The following CD101 variants were observed in gnomAD, a reference collection of about 807,000 sequenced individuals.
CD101 encodes immunoglobulin superfamily member 2.
In CD101, 76 loss-of-function variants were observed where a neutral mutation model predicts 98.2. That is an observed-to-expected ratio of 0.77 (90% CI 0.64 to 0.94). The LOEUF is 0.94. Among genes scored for constraint, CD101 ranks in the 40% least tolerant of loss-of-function variants. CD101 has a pLI of 0.00. For synonymous variants in CD101, 471 were observed against 472.7 expected, an observed-to-expected ratio of 1.00 and a Z score of 0.05; for missense variants, 1,145 against 1,218.8, an observed-to-expected ratio of 0.94 and a Z score of 0.90.
At position 117,013,584 on chromosome 1, in the gene CD101, CT is replaced by C. The variant is rs1557768315; in HGVS notation, c.1021del (p.Tyr341ThrfsTer15). ...GTGGAGTCCTGGGCCTGAAGAATGA[CT>C]ACAAAGAGAGAGCAAGTCAAGGAGA... ...AGGVLGLKND[Y>X]KERASQGELQ... is the part of the protein sequence containing the mutation. On this transcript the variant is annotated frameshift_variant, in exon 4 of 10. Transcript: ENST00000682167. LOFTEE classifies it high-confidence loss of function. The C allele has an allele frequency of 6.2e-7, 1 of 1,614,170 alleles. No homozygotes were observed. The highest frequency in any genetic ancestry group is 8.5e-7 in the Non-Finnish European group (1 of 1,180,030).
chr1:117,005,439 C>T lies in CD101; in HGVS notation c.43+3579C>T, dbSNP rs997763803. ...CAAAGATCTTCATGGACATCCTCCT[C>T]ATCGAGCTAACAGGAGTCTCCTCTG... is the stretch of plus-strand genomic sequence containing the variant. On this transcript the variant is annotated intron_variant, in intron 1 of 9. Coordinates refer to ENST00000682167, the MANE Select transcript of CD101 (RefSeq NM_001256106.3). This position sits in a 1 kb window ranked among gnomAD's most constrained non-coding sequence, Gnocchi z 4.4. Among the ~76,000 whole-genome samples, 3 of 152,202 alleles carry T rather than the reference C, an allele frequency of 2.0e-5. No homozygotes were observed. Among genetic ancestry groups the T allele is most frequent in the Admixed American group, 2.0e-4 (3 of 15,266 alleles).
In CD101 at chr1:117,012,573, T is replaced by A. The variant is rs564261567; in HGVS notation, c.841+607T>A. Among the ~76,000 whole-genome samples, 32 of 152,338 alleles carry A rather than the reference T, an allele frequency of 2.1e-4. 1 individual carries two copies. The South Asian group carries it at 6.2e-3, about 30-fold the overall frequency. On this transcript the variant is annotated intron_variant, in intron 3 of 9. Coordinates refer to ENST00000682167, the MANE Select transcript of CD101 (RefSeq NM_001256106.3). The surrounding 1 kb of genome is among the most constrained non-coding windows in gnomAD (Gnocchi z 4.0). ...TGACTTTGCTTTTTTATTATTTTTT[T>A]AATTTTTAAATTTTTTTAAGGACAG... is the stretch of plus-strand genomic sequence containing the variant.
chr1:117,017,517 A>C (rs199920411), intron 5 of CD101, 44 bp downstream of exon 5: 4 of 1,555,310 alleles, frequency 2.6e-6, no homozygotes, highest in African/African-American at 1.4e-5. Flanking sequence ...TATATCACTC[A>C]ATTCATTCTG....
intron 1 of CD101, among the ~76,000 whole-genome samples, chr1:117,007,529 G>A (rs776972397): frequency 3.3e-5 from 5 of 152,032 alleles, no homozygotes; most frequent in Admixed American, 6.6e-5. Flanking sequence ...TGTATTTTTA[G>A]TAGAGACAGG....
At chr1:117,014,468 G>A (rs1454764123) in intron 4 of CD101, among the ~76,000 whole-genome samples, 1 of 152,132 alleles carries the variant, frequency 6.6e-6, no homozygotes, top group African/African-American at 2.4e-5. Context: ...GATGTGGTGA[G>A]ACGCCGGTCC....
chr1:117,029,259 AAGAAAGAAAGAAAG>A (rs1478980349), intron 8 of CD101, among the ~76,000 whole-genome samples: 2 of 139,110 alleles, frequency 1.4e-5, no homozygotes, highest in Non-Finnish European at 3.1e-5. Context: ...GAAAGAAAGA[AAGAAAGAAAGAAAG>A]AGTAGATACG....
chr1:117,025,235 C>T (rs1029750207), intron 7 of CD101, among the ~76,000 whole-genome samples: 16 of 152,104 alleles, frequency 1.1e-4, no homozygotes, highest in African/African-American at 3.1e-4. Context: ...TGGTGGCACA[C>T]GCCTGTAATC....
Position 117,005,572 on chromosome 1 carries a change from A to G in CD101, c.43+3712A>G, listed in dbSNP as rs1305300190. 6.6e-6 allele frequency among the ~76,000 whole-genome samples: 1 copy of G among 152,066 alleles called. No homozygotes were observed. The highest frequency in any genetic ancestry group is 1.5e-5 in the Non-Finnish European group (1 of 68,014). ...AGCCGCTGTGTCCTAGTTGCCCTCC[A>G]TCTAACTCTTCCCTCTGTAAGTTTT... On this transcript the variant is annotated intron_variant, in intron 1 of 9. Transcript: ENST00000682167. This position sits in a 1 kb window ranked among gnomAD's most constrained non-coding sequence, Gnocchi z 4.4.
intron 8 of CD101, among the ~76,000 whole-genome samples, chr1:117,029,567 T>C (rs1654313399): frequency 1.3e-5 from 2 of 152,232 alleles, no homozygotes; most frequent in South Asian, 4.1e-4. Context: ...TGCTAGACTA[T>C]ACTATAGGCA....
rs747890809 is a variant in CD101, at chr1:117,011,923, CA to C, written c.803del (p.Lys268SerfsTer8). The C allele has an allele frequency of 2.1e-5, 34 of 1,613,616 alleles. No homozygotes were observed. Among genetic ancestry groups the C allele is most frequent in the Non-Finnish European group, 2.7e-5 (32 of 1,179,910 alleles). ...CAGATGAAACTTGGATGTTCATCAC[CA>C]AAAAGCAGACCGATCAAACCACTCT... ...DPDETWMFIT[K>X]KQTDQTTLRI... On this transcript the variant is annotated frameshift_variant, in exon 3 of 10. Transcript: ENST00000682167. LOFTEE classifies it high-confidence loss of function.
At chr1:117,035,394 A>C (rs1310556469) in intron 9 of CD101, among the ~76,000 whole-genome samples, 1 of 152,034 alleles carries the variant, frequency 6.6e-6, no homozygotes, top group African/African-American at 2.4e-5. Context: ...GGCTATGAGC[A>C]CTCCTACTAT....
intron 8 of CD101, among the ~76,000 whole-genome samples, chr1:117,029,204 A>G (rs867707965): frequency 0.3 from 17,162 of 57,992 alleles, 3,621 homozygotes; most frequent in African/African-American, 0.37. Context: ...AGAAAGAAAG[A>G]AAAGAAAGAA....
In CD101 at chr1:117,029,263, AAGAAAGAAAG is replaced by A. The variant is rs1220160391; in HGVS notation, c.2824+3362_2824+3371del. On this transcript the variant is annotated intron_variant, in intron 8 of 9. Coordinates refer to ENST00000682167, the MANE Select transcript of CD101 (RefSeq NM_001256106.3). ...AAAGAAAGAAAGAAAGAAAGAAAGA[AAGAAAGAAAG>A]AGTAGATACGGTTGACAGTCCAACA... Among the ~76,000 whole-genome samples, 24 of 140,200 alleles carry A rather than the reference AAGAAAGAAAG, an allele frequency of 1.7e-4. 1 individual carries two copies. The highest frequency in any genetic ancestry group is 1.7e-4 in the Non-Finnish European group (11 of 64,332). 92.0% of individuals were successfully genotyped at this position (140,200 alleles called of 152,430 possible). A position where few individuals can be genotyped will look rare whatever the true frequency, so the allele number is the denominator to read the frequency against.
chr1:117,013,776 C>T lies in CD101; in HGVS notation c.1212C>T (p.His404=). Residue 404 remains histidine, a synonymous_variant, in exon 4 of 10, where the codon CAC becomes CAT. Coordinates refer to ENST00000682167, the MANE Select transcript of CD101 (RefSeq NM_001256106.3). ...QRKQSPDSHV[H]LRKPAARSVV... is the part of the protein sequence containing the mutation. ...AGCAGTCACCAGACAGCCACGTGCA[C>T]CTGAGGAAGCCAGCAGGTACGTAAA... 1 of 1,611,290 alleles carries T rather than the reference C, an allele frequency of 6.2e-7. No homozygotes were observed.
chr1:117,001,888 C>T (rs370834642), intron 1 of CD101, 28 bp downstream of exon 1: 3 of 1,611,674 alleles, frequency 1.9e-6, no homozygotes, highest in Non-Finnish European at 2.5e-6. Context: ...TTATGTTTCT[C>T]TTGTCACAGG....
intron 1 of CD101, among the ~76,000 whole-genome samples, chr1:117,008,132 C>A (rs1652648573): frequency 6.6e-6 from 1 of 152,158 alleles, no homozygotes; most frequent in Admixed American, 6.5e-5. Context: ...ATAAATATGT[C>A]ACATTAATTT....
At position 117,018,120 on chromosome 1, in the gene CD101, A is replaced by C. The variant is rs759084853; in HGVS notation, c.1613-36A>C. 6.6e-7 allele frequency: 1 copy of C among 1,524,534 alleles called. No homozygotes were observed. The allele number at this position is 1,524,534 out of a possible 1,614,324, so 94.4% of individuals were successfully genotyped here. ...GAAAGTGCTATATTTTAATCTGGTAAATATATTAGAAATTCTGTTTCATTT... is the reference window on the plus strand; with the variant it reads ...GAAAGTGCTATATTTTAATCTGGTACATATATTAGAAATTCTGTTTCATTT... On this transcript the variant is annotated intron_variant, in intron 5 of 9. Transcript: ENST00000682167. This position sits in a 1 kb window ranked among gnomAD's most constrained non-coding sequence, Gnocchi z 4.3.
In CD101 at chr1:117,012,546, A is replaced by G. The variant is rs966479769; in HGVS notation, c.841+580A>G. ...TGCCCCCTTTCCCAACTTGGAATGC[A>G]GTGACTTTGCTTTTTTATTATTTTT... On this transcript the variant is annotated intron_variant, in intron 3 of 9. Coordinates refer to ENST00000682167, the MANE Select transcript of CD101 (RefSeq NM_001256106.3). This position sits in a 1 kb window ranked among gnomAD's most constrained non-coding sequence, Gnocchi z 4.0. 6.6e-6 allele frequency among the ~76,000 whole-genome samples: 1 copy of G among 152,120 alleles called. No individual in the cohort carries two copies. Among genetic ancestry groups the G allele is most frequent in the Admixed American group, 6.5e-5 (1 of 15,278 alleles).
Position 117,033,768 on chromosome 1 carries a change from T to C in CD101, c.2825-92T>C. On this transcript the variant is annotated intron_variant, in intron 8 of 9. Transcript: ENST00000682167. The surrounding 1 kb of genome is among the most constrained non-coding windows in gnomAD (Gnocchi z 4.8). ...TGGCCCCATTATTTTTACATATACT[T>C]GCCTATAACAATAAATCCCAGGAGT... is the stretch of plus-strand genomic sequence containing the variant. The C allele has an allele frequency of 6.5e-7, 1 of 1,542,150 alleles. No homozygotes were observed. The highest frequency in any genetic ancestry group is 1.7e-4 in the Middle Eastern group (1 of 5,744).
Sources: gnomAD v4.1 joint callset for allele counts (sites outside exome capture counted in the v4.1 genomes callset) on GRCh38, gnomAD v4.1.1 for gene constraint, Gnocchi (gnomAD v3.1) non-coding constraint, MANE v1.5 for transcripts, NCBI Gene and HGNC (gene_info 2026-07-23, HGNC 2026-07-21) for gene names.